PODN: variants seen among roughly 807,000 people sequenced by gnomAD.
The protein encoded by PODN is podocan.
PODN carries 40 observed loss-of-function variants against 52.7 expected under a neutral mutation model. The observed-to-expected ratio is 0.76, with a 90% CI of 0.59 to 0.99. The LOEUF is 0.99. Among genes scored for constraint, PODN ranks in the 50% least tolerant of loss-of-function variants. The pLI, the probability that PODN is intolerant of heterozygous loss-of-function variation, is 0.00. For missense variants in PODN, 720 were observed against 815.1 expected, an observed-to-expected ratio of 0.88 and a Z score of 1.42; for synonymous variants, 396 against 377.9, an observed-to-expected ratio of 1.05 and a Z score of -0.56.
Position 53,078,577 on chromosome 1 carries a change from A to G in PODN, c.1067A>G (p.Gln356Arg), listed in dbSNP as rs372580940. 76 of 1,612,942 alleles carry G rather than the reference A, an allele frequency of 4.7e-5. No individual in the cohort carries two copies. The highest frequency in any genetic ancestry group is 6.3e-5 in the Non-Finnish European group (74 of 1,180,024). The change falls in exon 8 of 11, where the codon CAG becomes CGG. Residue 356 changes from glutamine to arginine, a missense_variant. Physicochemically the swap from Gln to Arg is conservative, Grantham distance 43 (BLOSUM62 1). Transcript: ENST00000312553. ...REQGIHPLAF[Q>R]GLKRLHTVHL... ...CAGGGCATCCACCCACTGGCCTTCC[A>G]GGGCCTCAAGCGGTTGCACACGGTG...
At chr1:53,074,570 C>T (rs905139087) in intron 3 of PODN, 36 bp from the exon 4 acceptor site, 8 of 1,612,938 alleles carry the variant, frequency 5.0e-6, no homozygotes, top group Admixed American at 1.7e-5. Flanking sequence ...GGCGTCTCCT[C>T]CATCCAGGGC....
In PODN at chr1:53,085,222, CT is replaced by C. The variant is rs1208177157; in HGVS notation, c.*741del. Reference sequence around the variant, plus strand: ...GCCACGCCCTGGCAGGACACAGGCACTTTTCCAATGGGCAAGCCCAGTGGAG... The same window carrying C: ...GCCACGCCCTGGCAGGACACAGGCACTTTCCAATGGGCAAGCCCAGTGGAG... On this transcript the variant is annotated 3_prime_UTR_variant, in exon 11 of 11. Coordinates refer to ENST00000312553, the MANE Select transcript of PODN (RefSeq NM_153703.5). 1 of 152,298 alleles carries C rather than the reference CT, an allele frequency of 6.6e-6. No individual in the cohort carries two copies. The highest frequency in any genetic ancestry group is 1.5e-5 in the Non-Finnish European group (1 of 68,126). The allele number at this position is 152,298 out of a possible 1,614,324, so 9.4% of individuals were successfully genotyped here.
chr1:53,069,025 T>TGCTGG (rs1387651479), intron 1 of PODN, among the ~76,000 whole-genome samples: 1 of 152,156 alleles, frequency 6.6e-6, no homozygotes, highest in Non-Finnish European at 1.5e-5. Flanking sequence ...CCTTTCTCTG[T>TGCTGG]GCTGGGCTCT....
chr1:53,082,139 A>AGGT lies in PODN; in HGVS notation c.1822_1823insTGG (p.Glu607_Glu608insVal), dbSNP rs1382377041. On this transcript the variant is annotated inframe_insertion, in exon 10 of 11. Transcript: ENST00000312553. ...AAGGAGGAGGAGGAAGAGGAGGAGG[A>AGGT]GGAGGAAGAGGAAACAAGATAGTGA... is the stretch of plus-strand genomic sequence containing the variant. The AGGT allele has an allele frequency of 1.2e-6, 2 of 1,611,576 alleles. No homozygotes were observed. Among genetic ancestry groups the AGGT allele is most frequent in the African/African-American group, 1.3e-5 (1 of 74,998 alleles).
chr1:53,077,891 C>A, intron 7 of PODN, 91 bp downstream of exon 7: 5 of 986,818 alleles, frequency 5.1e-6, no homozygotes, highest in Non-Finnish European at 7.6e-6. Flanking sequence ...CAGCCCCTCA[C>A]GCACGTCCCC....
chr1:53,076,891 C>G (rs1644201994), intron 5 of PODN, among the ~76,000 whole-genome samples: 1 of 152,052 alleles, frequency 6.6e-6, no homozygotes, highest in Admixed American at 6.6e-5. Flanking sequence ...GGCAAGGACT[C>G]CAGGGCTGAA....
rs780284767 is a variant in PODN, at chr1:53,065,995, C to CTTTTTTTTT, written c.-56+3699_-56+3707dup. 4.2e-4 allele frequency among the ~76,000 whole-genome samples: 48 copies of CTTTTTTTTT among 115,280 alleles called. 2 individuals are homozygous for CTTTTTTTTT. Among genetic ancestry groups the CTTTTTTTTT allele is most frequent in the African/African-American group, 1.8e-3 (48 of 27,060 alleles). The allele number at this position is 115,280 out of a possible 152,430, so 75.6% of individuals were successfully genotyped here. A position where few individuals can be genotyped will look rare whatever the true frequency, so the allele number is the denominator to read the frequency against. Reference sequence around the variant, plus strand: ...ATGCAATGCAAAATTTTCTAGAGGTCTTTTTTTTTTTTTTTTTTTTGAGAC... The same window carrying CTTTTTTTTT: ...ATGCAATGCAAAATTTTCTAGAGGTCTTTTTTTTTTTTTTTTTTTTTTTTTTTTTGAGAC... On this transcript the variant is annotated intron_variant, in intron 1 of 10. Coordinates refer to ENST00000312553, the MANE Select transcript of PODN (RefSeq NM_153703.5).
Position 53,074,645 on chromosome 1 carries a change from A to G in PODN, c.446A>G (p.Asn149Ser), listed in dbSNP as rs367579309. 47 of 1,614,002 alleles carry G rather than the reference A, an allele frequency of 2.9e-5. No individual in the cohort carries two copies. In the African/African-American group the frequency reaches 5.6e-4, roughly 19 times the overall value. The change falls in exon 4 of 11, where the codon AAT becomes AGT. Residue 149 changes from asparagine to serine, a missense_variant. Transcript: ENST00000312553. ...GCGTTTGAGCATCTGACCAACCTCA[A>G]TTACCTGTACTTGGCCAATAACAAG... The part of the protein sequence containing the change: ...EKAFEHLTNL[N>S]YLYLANNKLT...
chr1:53,077,735 C>A lies in PODN; in HGVS notation c.789C>A (p.Ser263Arg). ...CGGGGGCCTTCAGCGAGCTGAGCAG[C>A]CTGCGCGAGCTATACCTGCAGAACA... ...IPPGAFSELS[S>R]LRELYLQNNY... Residue 263 changes from serine to arginine, a missense_variant, in exon 7 of 11, where the codon AGC becomes AGA. By Grantham distance (110) the Ser-to-Arg change is moderately radical. Coordinates refer to ENST00000312553, the MANE Select transcript of PODN (RefSeq NM_153703.5). The A allele has an allele frequency of 1.2e-6, 2 of 1,613,728 alleles. No homozygotes were observed. The highest frequency in any genetic ancestry group is 8.5e-7 in the Non-Finnish European group (1 of 1,179,968).
rs1212781164 is a variant in PODN, at chr1:53,082,203, T to C, written c.*27+15T>C. 6.5e-7 allele frequency: 1 copy of C among 1,530,922 alleles called. No homozygotes were observed. Among genetic ancestry groups the C allele is most frequent in the Admixed American group, 2.0e-5 (1 of 50,846 alleles). 94.8% of individuals were successfully genotyped at this position (1,530,922 alleles called of 1,614,324 possible). ...ATGTGACCTAGGTATGTGGCCTGTATGGGGCAGCACTCACTTCTGCTCCCT... is the reference window on the plus strand; with the variant it reads ...ATGTGACCTAGGTATGTGGCCTGTACGGGGCAGCACTCACTTCTGCTCCCT... On this transcript the variant is annotated intron_variant, in intron 10 of 10. Coordinates refer to ENST00000312553, the MANE Select transcript of PODN (RefSeq NM_153703.5).
intron 1 of PODN, chr1:53,063,299 C>T: frequency 1.1e-6 from 1 of 946,176 alleles, no homozygotes; most frequent in Non-Finnish European, 1.3e-6. Context: ...GTCCGGGAGG[C>T]GCGGAGGATG....
rs932350126 is a variant in PODN, at chr1:53,063,883, G to A, written c.-56+1575G>A. On this transcript the variant is annotated intron_variant, in intron 1 of 10. Coordinates refer to ENST00000312553, the MANE Select transcript of PODN (RefSeq NM_153703.5). ...TCACCAACACTAGCATGGCGGTGGAGGCCCTTGGCCACCCAGGCCTCCCGC... is the reference window on the plus strand; with the variant it reads ...TCACCAACACTAGCATGGCGGTGGAAGCCCTTGGCCACCCAGGCCTCCCGC... Among the ~76,000 whole-genome samples, 5 of 152,088 alleles carry A rather than the reference G, an allele frequency of 3.3e-5. No homozygotes were observed. In the East Asian group the frequency reaches 7.7e-4, roughly 24 times the overall value.
intron 10 of PODN, among the ~76,000 whole-genome samples, chr1:53,083,157 G>C (rs993551692): frequency 6.6e-6 from 1 of 152,216 alleles, no homozygotes; most frequent in Non-Finnish European, 1.5e-5. Context: ...AAGGAAGTGG[G>C]TCCAGGCACT....
At chr1:53,076,031 G>T in intron 5 of PODN, 60 bp downstream of exon 5, 1 of 1,373,474 alleles carries the variant, frequency 7.3e-7, no homozygotes. Context: ...TGAGGTGGAG[G>T]CTGCCATCCT....
chr1:53,072,246 C>A (rs964478047), intron 3 of PODN, among the ~76,000 whole-genome samples: 4 of 152,074 alleles, frequency 2.6e-5, no homozygotes, highest in Admixed American at 2.0e-4. Flanking sequence ...CTAACAGCAG[C>A]AAAAATATAA....
At chr1:53,076,756 C>T (rs1644200189) in intron 5 of PODN, among the ~76,000 whole-genome samples, 1 of 152,080 alleles carries the variant, frequency 6.6e-6, no homozygotes, top group Non-Finnish European at 1.5e-5. Context: ...TCCTCTGAGA[C>T]AGGCCCTGTG....
chr1:53,068,916 C>T (rs4926950), intron 1 of PODN, among the ~76,000 whole-genome samples: 8,264 of 152,212 alleles, frequency 0.054, 270 homozygotes, highest in Middle Eastern at 0.11. Flanking sequence ...TGGCAGGTGG[C>T]AGTGGTCACT....
Position 53,078,706 on chromosome 1 carries a change from A to C in PODN, c.1196A>C (p.Asp399Ala). ...HNQITGIGRE[D>A]FATTYFLEEL... ...CAGATCACAGGCATTGGCCGCGAAG[A>C]CTTTGCCACCACCTACTTCCTGGAG... is the stretch of plus-strand genomic sequence containing the variant. The change falls in exon 8 of 11, where the codon GAC becomes GCC. Residue 399 changes from aspartate to alanine, a missense_variant. Transcript: ENST00000312553. 3 of 1,613,448 alleles carry C rather than the reference A, an allele frequency of 1.9e-6. No homozygotes were observed. Among genetic ancestry groups the C allele is most frequent in the Non-Finnish European group, 2.5e-6 (3 of 1,179,970 alleles).
At chr1:53,081,723 G>A (rs1644298100) in intron 9 of PODN, among the ~76,000 whole-genome samples, 1 of 152,256 alleles carries the variant, frequency 6.6e-6, no homozygotes, top group Non-Finnish European at 1.5e-5. Flanking sequence ...AAATAGCAGT[G>A]AGAGTGTGCG....
Sources: gnomAD v4.1 joint callset for allele counts (sites outside exome capture counted in the v4.1 genomes callset) on GRCh38, gnomAD v4.1.1 for gene constraint, MANE v1.5 for transcripts, NCBI Gene and HGNC (gene_info 2026-07-23, HGNC 2026-07-21) for gene names.